Variants in SNRNP40 observed in about 807,000 individuals in gnomAD.
SNRNP40 encodes U5 small nuclear ribonucleoprotein 40 kDa protein.
In SNRNP40, 21 loss-of-function variants were observed where a neutral mutation model predicts 45.8. That is an observed-to-expected ratio of 0.46 (90% confidence interval 0.32 to 0.66). The LOEUF (loss-of-function observed/expected upper bound fraction) is 0.66, where lower values mean the gene tolerates loss of function less well. Among genes scored for constraint, SNRNP40 ranks in the 30% least tolerant of loss-of-function variants. The pLI is 0.03. For synonymous variants in SNRNP40, 142 were observed against 163.8 expected, an observed-to-expected ratio of 0.87 and a Z score of 1.01; for missense variants, 344 against 439.1, an observed-to-expected ratio of 0.78 and a Z score of 1.94.
chr1:31,280,240 C>T lies in SNRNP40; in HGVS notation c.654+1134G>A, dbSNP rs1030029018. On this transcript the variant is annotated intron_variant, in intron 5 of 9. Transcript: ENST00000263694. ...GTGCAGTGGCGTGATCTCAGCTCAC[C>T]GCAACTTCTGACTCCCAGGTTCAAG... Among the ~76,000 whole-genome samples the T allele has an allele frequency of 3.3e-5, 5 of 149,954 alleles. No homozygotes were observed. In the South Asian group the frequency reaches 6.4e-4, roughly 19 times the overall value.
intron 9 of SNRNP40, among the ~76,000 whole-genome samples, chr1:31,260,522 G>A (rs888236017): frequency 3.9e-5 from 6 of 151,924 alleles, no homozygotes; most frequent in African/African-American, 4.8e-5. Context: ...ATTTGGTTTA[G>A]CCAGCCAAAA....
intron 8 of SNRNP40, among the ~76,000 whole-genome samples, chr1:31,265,708 C>T (rs555848808): frequency 2.0e-4 from 31 of 151,988 alleles, no homozygotes; most frequent in Non-Finnish European, 4.3e-4. Flanking sequence ...GGCGTGGTAG[C>T]GGGCACCTGT....
intron 6 of SNRNP40, among the ~76,000 whole-genome samples, chr1:31,270,866 A>T (rs1645933142): frequency 6.6e-6 from 1 of 152,142 alleles, no homozygotes; most frequent in Non-Finnish European, 1.5e-5. Context: ...CTCCCACCCT[A>T]CAACTCAAAA....
chr1:31,293,807 C>G (rs148515259), intron 1 of SNRNP40, among the ~76,000 whole-genome samples: 3 of 152,128 alleles, frequency 2.0e-5, no homozygotes, highest in African/African-American at 7.2e-5. Context: ...GTCTCAAAAT[C>G]CTGGCCTCCC....
rs770992160 is a variant in SNRNP40 at position 31,271,486 on chromosome 1, C to T, written c.668G>A (p.Arg223His). The T allele has an allele frequency of 3.1e-6, 5 of 1,612,538 alleles. No individual in the cohort carries two copies. Among genetic ancestry groups the T allele is most frequent in the East Asian group, 2.2e-5 (1 of 44,878 alleles). ...IDNDIKVWDL[R>H]QNKLTYTMRG... ...CATGGTGTAGGTTAGCTTGTTCTGG[C>T]GCAGGTCCCAGACCTGCAAAAACAG... The change falls in exon 6 of 10, where the codon CGC (arginine) becomes CAC (histidine). Residue 223 changes from arginine (R) to histidine (H), a missense_variant. Coordinates refer to ENST00000263694, the MANE Select transcript of SNRNP40 (RefSeq NM_004814.3).
intron 1 of SNRNP40, 76 bp downstream of exon 1, chr1:31,296,535 C>G (rs1557682737): frequency 1.3e-6 from 2 of 1,508,222 alleles, no homozygotes; most frequent in Non-Finnish European, 1.8e-6. Context: ...GGGAAAGGGT[C>G]AGGGATCACC....
In SNRNP40 at chr1:31,289,367, T is replaced by C; in HGVS notation, c.418A>G (p.Thr140Ala). ...TTTAGCCTTTTAACCCTCTCACCTGTTTCACTATCCCACACAGCCACGGTT... is the reference window on the plus strand; with the variant it reads ...TTTAGCCTTTTAACCCTCTCACCTGCTTCACTATCCCACACAGCCACGGTT... ...DKTVAVWDSE[T>A]GERVKRLKGH... Residue 140 changes from threonine (T) to alanine (A), a missense_variant, in exon 4 of 10, where the codon ACA (threonine) becomes GCA (alanine). By Grantham distance (58) the Thr-to-Ala change is moderately conservative (BLOSUM62 0). Around this residue, in one of 2 missense-constraint regions of SNRNP40, gnomAD observed 254 missense variants for 380.2 expected, o/e 0.67. Coordinates refer to ENST00000263694, the MANE Select transcript of SNRNP40 (RefSeq NM_004814.3). The C allele has an allele frequency of 6.2e-7, 1 of 1,614,144 alleles. No individual in the cohort carries two copies. The highest frequency in any genetic ancestry group is 8.5e-7 in the Non-Finnish European group (1 of 1,179,972).
rs1187647974 is a variant in SNRNP40, at chr1:31,271,551, A to G, written c.655-52T>C. 1.9e-6 allele frequency: 3 copies of G among 1,568,472 alleles called. No individual in the cohort carries two copies. The African/African-American group carries it at 4.1e-5, about 22-fold the overall frequency. ...AAATCAAATTAATAAAAGCAGAGAA[A>G]GAGAATGACACAAGAGACAAGAGTC... On this transcript the variant is annotated intron_variant, in intron 5 of 9. Coordinates refer to ENST00000263694, the MANE Select transcript of SNRNP40 (RefSeq NM_004814.3).
At chr1:31,278,952 G>A (rs551655567) in intron 5 of SNRNP40, among the ~76,000 whole-genome samples, 30 of 152,178 alleles carry the variant, frequency 2.0e-4, no homozygotes, top group African/African-American at 7.0e-4. Flanking sequence ...CTACCAGATG[G>A]ATAGGACAGT....
chr1:31,260,355 C>A (rs1645849856), intron 9 of SNRNP40, among the ~76,000 whole-genome samples: 1 of 152,078 alleles, frequency 6.6e-6, no homozygotes, highest in Non-Finnish European at 1.5e-5. Flanking sequence ...TAAATACTGA[C>A]ATCCCTTGTC....
intron 2 of SNRNP40, 73 bp downstream of exon 2, chr1:31,293,146 G>A: frequency 6.5e-7 from 1 of 1,533,690 alleles, no homozygotes; most frequent in Non-Finnish European, 9.0e-7. Context: ...ACCTTCTGTG[G>A]CACCCAAGAT....
intron 9 of SNRNP40, chr1:31,261,029 G>A (rs1645855075): frequency 7.8e-7 from 1 of 1,282,036 alleles, no homozygotes; most frequent in Non-Finnish European, 1.0e-6. Flanking sequence ...TGGTGAGACT[G>A]ACATTGATAC....
At chr1:31,279,017 T>C (rs1449823186) in intron 5 of SNRNP40, among the ~76,000 whole-genome samples, 4 of 149,542 alleles carry the variant, frequency 2.7e-5, no homozygotes, top group Non-Finnish European at 4.4e-5. Context: ...TACAGAGCGA[T>C]TATGTTAAAA....
intron 5 of SNRNP40, among the ~76,000 whole-genome samples, chr1:31,278,519 T>C (rs1487479185): frequency 6.6e-6 from 1 of 152,242 alleles, no homozygotes; most frequent in Non-Finnish European, 1.5e-5. Flanking sequence ...TAATCTATTT[T>C]CATGTGTACA....
At chr1:31,267,723 TG>T in intron 8 of SNRNP40, 147 bp downstream of exon 8, 4 of 598,794 alleles carry the variant, frequency 6.7e-6, no homozygotes, top group Non-Finnish European at 1.2e-5. Context: ...TTAGTAGGGA[TG>T]GGGTTTCTCC....
intron 4 of SNRNP40, among the ~76,000 whole-genome samples, chr1:31,284,048 T>G (rs1646038353): frequency 1.3e-5 from 2 of 152,144 alleles, no homozygotes; most frequent in Admixed American, 1.3e-4. Context: ...ACATGGTGAT[T>G]CCTCATCTCT....
At chr1:31,296,117 T>C (rs971583126) in intron 1 of SNRNP40, among the ~76,000 whole-genome samples, 5 of 152,230 alleles carry the variant, frequency 3.3e-5, no homozygotes, top group Non-Finnish European at 7.3e-5. Context: ...AAATTTCATA[T>C]ACGAAACACT....
At chr1:31,262,781 G>A (rs911229720) in intron 8 of SNRNP40, among the ~76,000 whole-genome samples, 3 of 151,896 alleles carry the variant, frequency 2.0e-5, no homozygotes, top group Non-Finnish European at 4.4e-5. Context: ...GCACTTTGGG[G>A]GGCCAAGGCT....
At chr1:31,284,812 T>C (rs1263025474) in intron 4 of SNRNP40, among the ~76,000 whole-genome samples, 1 of 152,224 alleles carries the variant, frequency 6.6e-6, no homozygotes, top group Non-Finnish European at 1.5e-5. Context: ...TCTTTGTTCA[T>C]GTAAATACGA....
Sources: allele counts gnomAD v4.1 joint callset (sites outside exome capture counted in the v4.1 genomes callset), GRCh38; gene constraint gnomAD v4.1.1; regional missense constraint gnomAD v4.1.1; transcripts MANE v1.5; gene names NCBI Gene and HGNC (gene_info 2026-07-23, HGNC 2026-07-21).